The following DISC1 variants were observed in gnomAD, a reference collection of about 807,000 sequenced individuals.
The protein encoded by DISC1 is disrupted in schizophrenia 1 protein.
In DISC1, 57 loss-of-function variants were observed where a neutral mutation model predicts 84.5. The ratio of observed to expected loss-of-function variants is 0.67; its 90% CI spans 0.55 to 0.84. The LOEUF (loss-of-function observed/expected upper bound fraction) is 0.84. Ranked by LOEUF, DISC1 falls within the 40% of genes least tolerant of loss-of-function variation. The probability of loss-of-function intolerance (pLI) is 0.00; values close to 1 mark genes in which losing one functional copy is unlikely to be tolerated. For synonymous variants in DISC1, 411 were observed against 415.2 expected (o/e 0.99, Z 0.12); for missense variants, 1,000 against 1,057.8 (o/e 0.95, Z 0.76).
chr1:231,817,591 A>G (rs2081144884), intron 8 of DISC1, among the ~76,000 whole-genome samples: 1 of 152,210 alleles, frequency 6.6e-6, no homozygotes, highest in Non-Finnish European at 1.5e-5. Context: ...TTTTCACTGT[A>G]GAGCTCTTGC....
intron 9 of DISC1, among the ~76,000 whole-genome samples, chr1:231,935,654 G>A (rs919522956): frequency 1.3e-5 from 2 of 152,160 alleles, no homozygotes; most frequent in African/African-American, 2.4e-5. Context: ...AGGGTTTGGC[G>A]TCTAAAGCTA....
At chr1:231,874,911 C>T (rs954539893) in intron 9 of DISC1, among the ~76,000 whole-genome samples, 56 of 138,088 alleles carry the variant, frequency 4.1e-4, no homozygotes, top group Middle Eastern at 4.1e-3. Context: ...AGTGAGACTC[C>T]GTCTCAAAAA....
intron 9 of DISC1, among the ~76,000 whole-genome samples, chr1:231,883,755 C>T (rs1416433606): frequency 2.0e-5 from 3 of 152,108 alleles, no homozygotes; most frequent in African/African-American, 7.2e-5. Flanking sequence ...GCTTCTCTAA[C>T]TACATGGGGA....
intron 9 of DISC1, among the ~76,000 whole-genome samples, chr1:231,912,852 C>T (rs1328613190): frequency 6.8e-6 from 1 of 146,664 alleles, no homozygotes; most frequent in African/African-American, 2.6e-5. Context: ...TTCTTCTTCT[C>T]CTCCTCCTCC....
chr1:231,643,337 G>A (rs554646535), intron 1 of DISC1, among the ~76,000 whole-genome samples: 1 of 152,246 alleles, frequency 6.6e-6, no homozygotes, highest in South Asian at 2.1e-4. Flanking sequence ...TCCTTTGAGT[G>A]AGGCAATAAC....
chr1:231,786,767 T>A (rs1487935301), intron 6 of DISC1, among the ~76,000 whole-genome samples: 1 of 152,098 alleles, frequency 6.6e-6, no homozygotes, highest in African/African-American at 2.4e-5. Flanking sequence ...CCAGGTAATA[T>A]CTACACCCTT....
At chr1:231,906,311 C>T (rs1243766696) in intron 9 of DISC1, among the ~76,000 whole-genome samples, 2 of 152,136 alleles carry the variant, frequency 1.3e-5, no homozygotes, top group Non-Finnish European at 2.9e-5. Flanking sequence ...CATGAGTCAC[C>T]ATGCCCGGTC....
chr1:231,707,241 C>G (rs2067202030), intron 3 of DISC1, among the ~76,000 whole-genome samples: 1 of 152,160 alleles, frequency 6.6e-6, no homozygotes, highest in African/African-American at 2.4e-5. Flanking sequence ...GAAATCTGCT[C>G]AGAGAGACAG....
At chr1:231,851,760 G>A (rs2083914870) in intron 9 of DISC1, among the ~76,000 whole-genome samples, 1 of 152,236 alleles carries the variant, frequency 6.6e-6, no homozygotes, top group South Asian at 2.1e-4. Flanking sequence ...AGTTGAGTGG[G>A]AATGCGGCAC....
intron 1 of DISC1, among the ~76,000 whole-genome samples, chr1:231,688,831 G>C (rs2064636318): frequency 6.6e-6 from 1 of 152,186 alleles, no homozygotes; most frequent in South Asian, 2.1e-4. Context: ...TGGATTACAT[G>C]ATTAAATTGG....
At chr1:231,873,702 G>C (rs2085636368) in intron 9 of DISC1, among the ~76,000 whole-genome samples, 1 of 152,140 alleles carries the variant, frequency 6.6e-6, no homozygotes, top group South Asian at 2.1e-4. Context: ...TTCCCGCAGA[G>C]CCAAGGAACT....
chr1:231,866,710 A>G (rs1205252448), intron 9 of DISC1: 2 of 1,360,290 alleles, frequency 1.5e-6, no homozygotes, highest in Non-Finnish European at 1.9e-6. Context: ...AAAAGAAAAG[A>G]AAGCATGTCT....
chr1:231,830,874 C>G (rs1370905164), intron 9 of DISC1, among the ~76,000 whole-genome samples: 1 of 152,224 alleles, frequency 6.6e-6, no homozygotes, highest in Admixed American at 6.5e-5. Context: ...TTAGTCTGTT[C>G]TACCTTTCCT....
At chr1:231,852,351 C>A (rs1353837516) in intron 9 of DISC1, among the ~76,000 whole-genome samples, 1 of 152,080 alleles carries the variant, frequency 6.6e-6, no homozygotes, top group Non-Finnish European at 1.5e-5. Context: ...GTGGAATGCT[C>A]CAAAACTATT....
chr1:231,870,028 C>T (rs1409213191), intron 9 of DISC1, among the ~76,000 whole-genome samples: 1 of 152,040 alleles, frequency 6.6e-6, no homozygotes, highest in Non-Finnish European at 1.5e-5. Context: ...AGCCTGTAAG[C>T]AGTGGTTATA....
chr1:231,925,174 A>C (rs1297853546), intron 9 of DISC1, among the ~76,000 whole-genome samples: 1 of 152,148 alleles, frequency 6.6e-6, no homozygotes, highest in Non-Finnish European at 1.5e-5. Context: ...AATGGCATAC[A>C]GTTAAAAATA....
At chr1:231,903,211 G>A (rs1005641278) in intron 9 of DISC1, among the ~76,000 whole-genome samples, 2 of 152,016 alleles carry the variant, frequency 1.3e-5, no homozygotes, top group Non-Finnish European at 1.5e-5. Flanking sequence ...ACAGACATGA[G>A]CCATGATGCC....
intron 11 of DISC1, among the ~76,000 whole-genome samples, chr1:232,020,767 C>T (rs1668886611): frequency 6.6e-6 from 1 of 152,266 alleles, no homozygotes; most frequent in Non-Finnish European, 1.5e-5. Context: ...TCAACAGCTC[C>T]CTTTATTTAC....
rs1227719914 is a variant in DISC1 at position 231,675,422 on chromosome 1, GA to G, written c.68-18402del. 6.6e-6 allele frequency among the ~76,000 whole-genome samples: 1 copy of G among 152,196 alleles called. No homozygotes were observed. The highest frequency in any genetic ancestry group is 2.4e-5 in the African/African-American group (1 of 41,450). ...ACCTCAGAGACAAAGATCTAAGCAG[GA>G]AGGAGGATCTATTGTGAACCGGTTG... On this transcript the variant is annotated intron_variant, in intron 1 of 12. Coordinates refer to ENST00000439617, the MANE Select transcript of DISC1 (RefSeq NM_018662.3). This position sits in a 1 kb window ranked among gnomAD's most constrained non-coding sequence, Gnocchi z 4.1.
Sources: allele counts gnomAD v4.1 joint callset (sites outside exome capture counted in the v4.1 genomes callset), GRCh38; gene constraint gnomAD v4.1.1; non-coding constraint Gnocchi (gnomAD v3.1); transcripts MANE v1.5; gene names NCBI Gene and HGNC (gene_info 2026-07-23, HGNC 2026-07-21).